MPPED1: variants seen among roughly 807,000 people sequenced by gnomAD.
MPPED1 encodes metallophosphoesterase domain-containing protein 1.
MPPED1 carries 16 observed loss-of-function variants against 36.2 expected under a neutral mutation model. That is an observed-to-expected ratio of 0.44 (90% CI 0.30 to 0.67). The LOEUF is 0.67. Among genes scored for constraint, MPPED1 ranks in the 30% least tolerant of loss-of-function variants. MPPED1 has a pLI of 0.10. For synonymous variants in MPPED1, 199 were observed against 191.3 expected (o/e 1.04, Z -0.33); for missense variants, 307 against 453.4 (o/e 0.68, Z 2.93).
At chr22:43,481,588 A>C (rs143961319) in intron 4 of MPPED1, among the ~76,000 whole-genome samples, 106 of 152,272 alleles carry the variant, frequency 7.0e-4, no homozygotes, top group African/African-American at 2.3e-3. Flanking sequence ...GACTCAGTTA[A>C]AATCCAGGCC....
intron 2 of MPPED1, among the ~76,000 whole-genome samples, chr22:43,426,221 C>A (rs533034820): frequency 5.8e-4 from 88 of 152,230 alleles, no homozygotes; most frequent in African/African-American, 2.0e-3. Flanking sequence ...TGCTGGGCCT[C>A]CCGCATCCTC....
chr22:43,424,195 CGA>C (rs1188605795), intron 1 of MPPED1, among the ~76,000 whole-genome samples: 1 of 152,180 alleles, frequency 6.6e-6, no homozygotes, highest in African/African-American at 2.4e-5. Flanking sequence ...GAGATCCTTA[CGA>C]GAGAGATGGT....
At chr22:43,422,295 A>C (rs1436073830) in intron 1 of MPPED1, among the ~76,000 whole-genome samples, 1 of 152,186 alleles carries the variant, frequency 6.6e-6, no homozygotes, top group Non-Finnish European at 1.5e-5. Context: ...AGACATGGGC[A>C]TCAATATCTG....
At chr22:43,412,855 A>G (rs1928953869) in intron 1 of MPPED1, among the ~76,000 whole-genome samples, 1 of 152,240 alleles carries the variant, frequency 6.6e-6, no homozygotes. Context: ...GTTCTGGGAC[A>G]TGTTACGGGA....
At chr22:43,444,818 T>G (rs977881012) in intron 3 of MPPED1, among the ~76,000 whole-genome samples, 1 of 152,238 alleles carries the variant, frequency 6.6e-6, no homozygotes, top group African/African-American at 2.4e-5. Context: ...TTTGTGTAGT[T>G]TGTTATTCAT....
chr22:43,416,007 CTG>C (rs1929066042), intron 1 of MPPED1, among the ~76,000 whole-genome samples: 1 of 152,238 alleles, frequency 6.6e-6, no homozygotes, highest in Admixed American at 6.5e-5. Context: ...CCGGACAGTG[CTG>C]CAGTCTGCAA....
chr22:43,438,989 C>G (rs950056248), intron 3 of MPPED1, among the ~76,000 whole-genome samples: 1 of 152,206 alleles, frequency 6.6e-6, no homozygotes, highest in African/African-American at 2.4e-5. Context: ...TCATGGAAAG[C>G]ATTTGAAATC....
At chr22:43,437,787 T>TA (rs1930013374) in intron 3 of MPPED1, among the ~76,000 whole-genome samples, 1 of 152,174 alleles carries the variant, frequency 6.6e-6, no homozygotes, top group Non-Finnish European at 1.5e-5. Context: ...GTATACCTGT[T>TA]ATGATTGCCC....
intron 1 of MPPED1, chr22:43,416,846 A>G: frequency 4.2e-6 from 1 of 239,982 alleles, no homozygotes; most frequent in Non-Finnish European, 6.7e-6. Context: ...TTACAAACAT[A>G]TTTCTCTGCC....
chr22:43,468,013 C>G (rs1205985330), intron 3 of MPPED1, among the ~76,000 whole-genome samples: 1 of 152,208 alleles, frequency 6.6e-6, no homozygotes, highest in African/African-American at 2.4e-5. Flanking sequence ...CCATGCACAT[C>G]CCCCTCTGCC....
rs118133852 is a variant in MPPED1, at chr22:43,439,505, G to A, written c.406+4290G>A. 3.8e-3 allele frequency among the ~76,000 whole-genome samples: 573 copies of A among 152,362 alleles called. 1 individual carries two copies. The highest frequency in any genetic ancestry group is 0.017 in the Middle Eastern group (5 of 294). ...CAGTGCCAGTGCAGGGAGGTGGGGC[G>A]GCTGGAGGCCAGGCAGCTGTCTTCA... On this transcript the variant is annotated intron_variant, in intron 3 of 6. Transcript: ENST00000443721.
At chr22:43,504,739 G>A (rs1401909478) in intron 6 of MPPED1, among the ~76,000 whole-genome samples, 1 of 151,840 alleles carries the variant, frequency 6.6e-6, no homozygotes, top group Non-Finnish European at 1.5e-5. Context: ...AATAGGAGCA[G>A]TGGTGATGAT....
At chr22:43,413,024 T>G (rs1928960186) in intron 1 of MPPED1, among the ~76,000 whole-genome samples, 1 of 152,170 alleles carries the variant, frequency 6.6e-6, no homozygotes, top group Non-Finnish European at 1.5e-5. Flanking sequence ...GGTGGCCCAG[T>G]TGGTGTCAGG....
chr22:43,448,703 A>G (rs1930451798), intron 3 of MPPED1, among the ~76,000 whole-genome samples: 1 of 151,998 alleles, frequency 6.6e-6, no homozygotes, highest in East Asian at 1.9e-4. Flanking sequence ...CCAGGGTTCA[A>G]GTGATTCTCC....
At chr22:43,482,151 C>T (rs1305432038) in intron 4 of MPPED1, among the ~76,000 whole-genome samples, 2 of 152,004 alleles carry the variant, frequency 1.3e-5, no homozygotes, top group East Asian at 1.9e-4. Flanking sequence ...GTATACATAC[C>T]GTATTCATTT....
At chr22:43,422,490 T>TA (rs2146816354) in intron 1 of MPPED1, among the ~76,000 whole-genome samples, 1 of 152,144 alleles carries the variant, frequency 6.6e-6, no homozygotes, top group African/African-American at 2.4e-5. Context: ...GGTCTTATGG[T>TA]CAAGGGATTT....
intron 4 of MPPED1, among the ~76,000 whole-genome samples, chr22:43,486,238 T>C (rs1405656982): frequency 2.6e-5 from 4 of 152,218 alleles, no homozygotes; most frequent in African/African-American, 9.6e-5. Flanking sequence ...AGAATGGGAA[T>C]ACAGCCTCAC....
At chr22:43,487,660 A>G (rs1206505366) in intron 4 of MPPED1, among the ~76,000 whole-genome samples, 1 of 152,172 alleles carries the variant, frequency 6.6e-6, no homozygotes, top group Non-Finnish European at 1.5e-5. Flanking sequence ...GCAGGAAGTC[A>G]TCTTGGGAGA....
rs1928919355 is a variant in MPPED1 at position 43,412,060 on chromosome 22, C to T, written c.-177C>T. ...GCGAGGCGGCCGCCGCCGGAGGAGC[C>T]CCCGCCCCTGCGCGCCTCCCTCCCG... On this transcript the variant is annotated 5_prime_UTR_variant, in exon 1 of 7. Transcript: ENST00000443721. 1.0e-6 allele frequency: 1 copy of T among 979,232 alleles called. No homozygotes were observed. The highest frequency in any genetic ancestry group is 1.8e-5 in the African/African-American group (1 of 56,550). 60.7% of individuals were successfully genotyped at this position (979,232 alleles called of 1,614,324 possible).
Sources: gnomAD v4.1 joint callset for allele counts (sites outside exome capture counted in the v4.1 genomes callset) on GRCh38, gnomAD v4.1.1 for gene constraint, MANE v1.5 for transcripts, NCBI Gene and HGNC (gene_info 2026-07-23, HGNC 2026-07-21) for gene names.